The following WDR70 variants were observed in gnomAD, a reference collection of about 807,000 sequenced individuals.
The protein encoded by WDR70 is WD repeat domain 70, also known as WD repeat-containing protein 70.
In WDR70, 53 loss-of-function variants were observed where a neutral mutation model predicts 88.6. That is an observed-to-expected ratio of 0.60 (90% confidence interval 0.48 to 0.75). WDR70 has a LOEUF of 0.75. WDR70 is among the 30% of genes least tolerant of loss of function. WDR70 has a pLI of 0.00. For synonymous variants in WDR70, 280 were observed against 270.0 expected, an observed-to-expected ratio of 1.04 and a Z score of -0.36; for missense variants, 610 against 823.2, an observed-to-expected ratio of 0.74 and a Z score of 3.17.
intron 10 of WDR70, among the ~76,000 whole-genome samples, chr5:37,646,433 A>C (rs2112551524): frequency 6.6e-6 from 1 of 152,156 alleles, no homozygotes. Flanking sequence ...TTGTGTACTT[A>C]CTATTACCAG....
chr5:37,452,163 A>C (rs1738696430), intron 7 of WDR70, among the ~76,000 whole-genome samples: 1 of 152,174 alleles, frequency 6.6e-6, no homozygotes. Flanking sequence ...GCCAATTGCA[A>C]ATTTGGTGAA....
chr5:37,522,042 G>GAT (rs1413606612), intron 9 of WDR70, among the ~76,000 whole-genome samples: 1 of 151,916 alleles, frequency 6.6e-6, no homozygotes, highest in Non-Finnish European at 1.5e-5. Context: ...ATTATTTTTT[G>GAT]ATTTTTTTAT....
chr5:37,606,991 T>C (rs1189907475), intron 10 of WDR70, among the ~76,000 whole-genome samples: 3 of 144,188 alleles, frequency 2.1e-5, no homozygotes, highest in African/African-American at 7.7e-5. Context: ...TAGGCTGGAG[T>C]GCAGTGGAAT....
At chr5:37,492,434 C>T (rs1181756787) in intron 8 of WDR70, among the ~76,000 whole-genome samples, 1 of 152,068 alleles carries the variant, frequency 6.6e-6, no homozygotes, top group African/African-American at 2.4e-5. Context: ...CTGCACTTCT[C>T]CTTGAATGTA....
At chr5:37,528,180 G>A (rs1741360902) in intron 9 of WDR70, among the ~76,000 whole-genome samples, 1 of 152,160 alleles carries the variant, frequency 6.6e-6, no homozygotes, top group African/African-American at 2.4e-5. Context: ...ACATGCACAT[G>A]TATGTTTATT....
intron 9 of WDR70, among the ~76,000 whole-genome samples, chr5:37,562,879 C>G (rs1222677765): frequency 1.3e-5 from 2 of 151,832 alleles, no homozygotes; most frequent in East Asian, 1.9e-4. Context: ...CATTCGATTT[C>G]TCAATCTTTT....
At chr5:37,542,311 GCT>G (rs1185012589) in intron 9 of WDR70, among the ~76,000 whole-genome samples, 2 of 143,408 alleles carry the variant, frequency 1.4e-5, no homozygotes, top group African/African-American at 2.7e-5. Context: ...AAAGAGTCCT[GCT>G]CTGTCACCCA....
chr5:37,434,502 G>A (rs1394263376), intron 5 of WDR70, among the ~76,000 whole-genome samples: 1 of 152,148 alleles, frequency 6.6e-6, no homozygotes, highest in Non-Finnish European at 1.5e-5. Flanking sequence ...AGTCCTTACT[G>A]TCTTCCCCCA....
At chr5:37,559,564 G>A (rs1581392892) in intron 9 of WDR70, among the ~76,000 whole-genome samples, 1 of 152,260 alleles carries the variant, frequency 6.6e-6, no homozygotes, top group Admixed American at 6.5e-5. Flanking sequence ...GCTTTTTGAG[G>A]CCGGGCGCAG....
chr5:37,479,309 G>A (rs1274425317), intron 7 of WDR70, among the ~76,000 whole-genome samples: 1 of 151,752 alleles, frequency 6.6e-6, no homozygotes, highest in Non-Finnish European at 1.5e-5. Flanking sequence ...GATTGCAGTG[G>A]AGAGTGGGAA....
chr5:37,611,768 T>C (rs546466906), intron 10 of WDR70, among the ~76,000 whole-genome samples: 1 of 147,692 alleles, frequency 6.8e-6, no homozygotes, highest in East Asian at 2.0e-4. Context: ...TTTGAGATTA[T>C]TTTGATTTCA....
At chr5:37,476,555 C>CT (rs70978822) in intron 7 of WDR70, among the ~76,000 whole-genome samples, 126,195 of 147,914 alleles carry the variant, frequency 0.85, 57,126 homozygotes, top group East Asian at 1. Flanking sequence ...TTTTCTTCTT[C>CT]TTTTTTTTTT....
chr5:37,701,173 C>T lies in WDR70; in HGVS notation c.1277+31C>T, dbSNP rs758260048. On this transcript the variant is annotated intron_variant, in intron 12 of 17. Transcript: ENST00000265107. ...TAGCATATTTTAAATATTTGATCAG[C>T]ATAGAAGAATGGAAAAGAAGTACTT... The T allele has an allele frequency of 2.9e-6, 4 of 1,368,154 alleles. No homozygotes were observed. The South Asian group carries it at 4.8e-5, about 16-fold the overall frequency. The allele number at this position is 1,368,154 out of a possible 1,614,324, so 84.8% of individuals were successfully genotyped here. A position where few individuals can be genotyped will look rare whatever the true frequency, so the allele number is the denominator to read the frequency against.
intron 7 of WDR70, among the ~76,000 whole-genome samples, chr5:37,445,006 G>A (rs987162736): frequency 5.3e-5 from 8 of 152,144 alleles, no homozygotes; most frequent in Admixed American, 2.6e-4. Context: ...AACGCCTGCC[G>A]TGCACCTGGT....
intron 10 of WDR70, among the ~76,000 whole-genome samples, chr5:37,670,549 C>G (rs752352887): frequency 7.9e-5 from 12 of 152,148 alleles, no homozygotes; most frequent in Admixed American, 3.9e-4. Flanking sequence ...TTCCCAGCAG[C>G]TTATGAAGTG....
At chr5:37,710,914 T>C (rs1267684313) in intron 13 of WDR70, among the ~76,000 whole-genome samples, 2 of 151,974 alleles carry the variant, frequency 1.3e-5, no homozygotes, top group Admixed American at 1.3e-4. Flanking sequence ...CACCTACTAC[T>C]GTTTACTTTT....
intron 7 of WDR70, among the ~76,000 whole-genome samples, chr5:37,478,524 T>G (rs1226054319): frequency 6.6e-6 from 1 of 152,170 alleles, no homozygotes; most frequent in Non-Finnish European, 1.5e-5. Flanking sequence ...GAAGTTTATA[T>G]TGGGGAGTGT....
chr5:37,661,231 A>G (rs1226199573), intron 10 of WDR70, among the ~76,000 whole-genome samples: 1 of 152,230 alleles, frequency 6.6e-6, no homozygotes, highest in Non-Finnish European at 1.5e-5. Flanking sequence ...GCTCTAGAAC[A>G]TAGGAGGGTT....
intron 5 of WDR70, among the ~76,000 whole-genome samples, chr5:37,399,708 CTTTG>C (rs1244418772): frequency 1.3e-5 from 2 of 151,876 alleles, no homozygotes; most frequent in African/African-American, 2.4e-5. Context: ...TCTTTATAAT[CTTTG>C]TTTATTTTGA....
Sources: allele counts gnomAD v4.1 joint callset (sites outside exome capture counted in the v4.1 genomes callset), GRCh38; gene constraint gnomAD v4.1.1; transcripts MANE v1.5; gene names NCBI Gene and HGNC (gene_info 2026-07-23, HGNC 2026-07-21).